Variants in CARMIL1 observed in about 807,000 individuals in gnomAD.
CARMIL1 encodes the protein capping protein regulator and myosin 1 linker 1, also known as F-actin-uncapping protein LRRC16A.
CARMIL1 carries 90 observed loss-of-function variants against 177.1 expected under a neutral mutation model. That is an observed-to-expected ratio of 0.51 (90% CI 0.43 to 0.61). The LOEUF (loss-of-function observed/expected upper bound fraction) is 0.61. CARMIL1 is among the 20% of genes least tolerant of loss of function. The pLI is 0.00. For missense variants in CARMIL1, 1,380 were observed against 1,667.0 expected (o/e 0.83, Z 3.00); for synonymous variants, 577 against 606.2 (o/e 0.95, Z 0.71).
chr6:25,394,339 T>C (rs78788232), intron 2 of CARMIL1, among the ~76,000 whole-genome samples: 2 of 152,318 alleles, frequency 1.3e-5, no homozygotes, highest in Non-Finnish European at 2.9e-5. Context: ...GCTAAAGTGC[T>C]AAAATTAATT....
intron 2 of CARMIL1, among the ~76,000 whole-genome samples, chr6:25,299,645 A>G (rs1451374074): frequency 6.6e-6 from 1 of 151,990 alleles, no homozygotes; most frequent in East Asian, 1.9e-4. Context: ...AGATCCTGGC[A>G]CCATCACCCA....
chr6:25,461,025 T>C (rs1800071829), intron 8 of CARMIL1, among the ~76,000 whole-genome samples: 1 of 152,190 alleles, frequency 6.6e-6, no homozygotes, highest in Admixed American at 6.5e-5. Flanking sequence ...TTTGTGTTCC[T>C]TTATAGTTTT....
intron 11 of CARMIL1, among the ~76,000 whole-genome samples, chr6:25,473,457 T>C (rs1801255107): frequency 6.6e-6 from 1 of 152,256 alleles, no homozygotes; most frequent in South Asian, 2.1e-4. Context: ...TTATATATTG[T>C]ATTCTTTAAG....
At chr6:25,557,295 C>A (rs1021993979) in intron 29 of CARMIL1, among the ~76,000 whole-genome samples, 1 of 152,082 alleles carries the variant, frequency 6.6e-6, no homozygotes, top group African/African-American at 2.4e-5. Context: ...GATTCTGTTT[C>A]GTTAACCTGA....
chr6:25,529,298 A>G (rs1176663475), intron 24 of CARMIL1, among the ~76,000 whole-genome samples: 2 of 152,082 alleles, frequency 1.3e-5, no homozygotes, highest in African/African-American at 4.8e-5. Context: ...TTAAAAAAAG[A>G]AAAAAAATTC....
intron 16 of CARMIL1, among the ~76,000 whole-genome samples, chr6:25,497,668 C>G (rs115103442): frequency 1.3e-5 from 2 of 152,124 alleles, no homozygotes; most frequent in African/African-American, 4.8e-5. Flanking sequence ...CTGCAGAAAC[C>G]CTTGTTTCTC....
rs301378 is a variant in CARMIL1 at position 25,515,930 on chromosome 6, G to A, written c.1805+83G>A. On this transcript the variant is annotated intron_variant, in intron 21 of 36. Transcript: ENST00000329474. The surrounding 1 kb of genome is among the most constrained non-coding windows in gnomAD (Gnocchi z 5.0). ...CAAGCATTGCAGAGCTGCTGGGCCC[G>A]AGGGGACCTGGGCTTCCCATGAGGC... 579,238 of 1,407,772 alleles carry A rather than the reference G, an allele frequency of 0.41. 122,192 individuals carry two copies. The highest frequency in any genetic ancestry group is 0.51 in the Middle Eastern group (2,147 of 4,232). The allele number at this position is 1,407,772 out of a possible 1,614,324, so 87.2% of individuals were successfully genotyped here. A position where few individuals can be genotyped will look rare whatever the true frequency, so the allele number is the denominator to read the frequency against.
intron 29 of CARMIL1, among the ~76,000 whole-genome samples, chr6:25,569,392 A>C (rs2151214032): frequency 6.6e-6 from 1 of 152,286 alleles, no homozygotes; most frequent in Non-Finnish European, 1.5e-5. Flanking sequence ...TTTAGGGCCT[A>C]ATTTCAGTAA....
chr6:25,540,086 G>T lies in CARMIL1; in HGVS notation c.2328+8G>T. 1.3e-6 allele frequency: 2 copies of T among 1,578,572 alleles called. No individual in the cohort carries two copies. The highest frequency in any genetic ancestry group is 1.2e-5 in the South Asian group (1 of 83,786). ...GTAGATGAACAACTAAAGGTTTGTG[G>T]GGTTTGTTATTTGGGAAATGAAATT... On this transcript the variant is annotated splice_region_variant and intron_variant, in intron 26 of 36. Transcript: ENST00000329474.
chr6:25,488,705 A>G, intron 13 of CARMIL1, 120 bp downstream of exon 13: 2 of 804,436 alleles, frequency 2.5e-6, no homozygotes, highest in East Asian at 4.9e-5. Flanking sequence ...ACACCTTTGA[A>G]TCATTTAGTT....
chr6:25,449,747 T>C (rs932552645), intron 5 of CARMIL1, 151 bp from the exon 6 acceptor site: 2 of 531,414 alleles, frequency 3.8e-6, no homozygotes, highest in Admixed American at 3.4e-5. Context: ...TCTCTAGTGC[T>C]CAAAAAAATT....
At chr6:25,433,674 T>C (rs1480003880) in intron 4 of CARMIL1, among the ~76,000 whole-genome samples, 4 of 152,206 alleles carry the variant, frequency 2.6e-5, no homozygotes, top group African/African-American at 4.8e-5. Flanking sequence ...TCTTGAGGAA[T>C]GCACTGAAAA....
At chr6:25,308,449 T>G (rs753049491) in intron 2 of CARMIL1, among the ~76,000 whole-genome samples, 4 of 148,788 alleles carry the variant, frequency 2.7e-5, no homozygotes, top group Non-Finnish European at 5.9e-5. Context: ...TGGCACGATC[T>G]CGGCTTACTG....
At chr6:25,368,355 T>G (rs987788103) in intron 2 of CARMIL1, among the ~76,000 whole-genome samples, 7 of 152,168 alleles carry the variant, frequency 4.6e-5, no homozygotes, top group African/African-American at 1.7e-4. Flanking sequence ...TTAAAATGAT[T>G]TCCATTTCCC....
intron 10 of CARMIL1, among the ~76,000 whole-genome samples, 185 bp downstream of exon 10, chr6:25,471,442 C>T (rs1253109143): frequency 6.6e-6 from 1 of 151,708 alleles, no homozygotes; most frequent in Non-Finnish European, 1.5e-5. Context: ...TTGGTAACAT[C>T]TCTTGATAAC....
In CARMIL1 at chr6:25,620,179, C is replaced by T. The variant is rs1759629572; in HGVS notation, c.*596C>T. 1 of 152,590 alleles carries T rather than the reference C, an allele frequency of 6.6e-6. No homozygotes were observed. Among genetic ancestry groups the T allele is most frequent in the Non-Finnish European group, 1.5e-5 (1 of 68,062 alleles). The allele number at this position is 152,590 out of a possible 1,614,324, so 9.5% of individuals were successfully genotyped here. ...TTCTCCCATGGGGAACTTCTTCCTT[C>T]CTGATGTGGAATTGTACATTTAAAG... On this transcript the variant is annotated 3_prime_UTR_variant, in exon 37 of 37. Coordinates refer to ENST00000329474, the MANE Select transcript of CARMIL1 (RefSeq NM_017640.6).
At chr6:25,586,623 T>C (rs1331497620) in intron 31 of CARMIL1, among the ~76,000 whole-genome samples, 2 of 151,892 alleles carry the variant, frequency 1.3e-5, no homozygotes, top group Non-Finnish European at 2.9e-5. Context: ...GTGGAGGTTG[T>C]AGCGAGCCGA....
intron 2 of CARMIL1, among the ~76,000 whole-genome samples, chr6:25,297,926 T>C (rs1395107704): frequency 1.3e-5 from 2 of 152,236 alleles, no homozygotes; most frequent in African/African-American, 2.4e-5. Flanking sequence ...CTTTTTTCAA[T>C]GTCTTTACAT....
chr6:25,453,490 A>G (rs1300196056), intron 8 of CARMIL1, among the ~76,000 whole-genome samples: 1 of 152,166 alleles, frequency 6.6e-6, no homozygotes, highest in African/African-American at 2.4e-5. Context: ...TCCCATTTTG[A>G]ACTTACTTCT....
Sources: gnomAD v4.1 joint callset for allele counts (sites outside exome capture counted in the v4.1 genomes callset) on GRCh38, gnomAD v4.1.1 for gene constraint, Gnocchi (gnomAD v3.1) non-coding constraint, MANE v1.5 for transcripts, NCBI Gene and HGNC (gene_info 2026-07-23, HGNC 2026-07-21) for gene names.